Variants in SV2B observed in about 807,000 individuals in gnomAD.
SV2B encodes solute carrier family 22 member B2.
A neutral mutation model predicts 73.9 loss-of-function variants in SV2B; 41 were observed. The observed-to-expected ratio is 0.56, with a 90% confidence interval of 0.43 to 0.72. The LOEUF is 0.72. Ranked by LOEUF, SV2B falls within the 30% of genes least tolerant of loss-of-function variation. The pLI, the probability that SV2B is intolerant of heterozygous loss-of-function variation, is 0.00. For missense variants in SV2B, 764 were observed against 857.8 expected (o/e 0.89, Z 1.37); for synonymous variants, 314 against 314.2 (o/e 1.00, Z 0.01).
At position 91,253,453 on chromosome 15, in the gene SV2B, G is replaced by C. The variant is rs1326189723; in HGVS notation, c.784+933G>C. Among the ~76,000 whole-genome samples the C allele has an allele frequency of 6.6e-6, 1 of 152,202 alleles. No homozygotes were observed. The highest frequency in any genetic ancestry group is 1.5e-5 in the Non-Finnish European group (1 of 68,036). On this transcript the variant is annotated intron_variant, in intron 4 of 12. Coordinates refer to ENST00000394232, the MANE Select transcript of SV2B (RefSeq NM_001323032.3). The surrounding 1 kb of genome is among the most constrained non-coding windows in gnomAD (Gnocchi z 5.0). The stretch of plus-strand genomic sequence containing the variant: ...TGCATGTATATGTTTTTAAGAACAA[G>C]CTTTGGTTTAGACAGTACCTACTGT...
intron 1 of SV2B, among the ~76,000 whole-genome samples, chr15:91,155,104 C>A (rs777719992): frequency 1.3e-5 from 2 of 152,106 alleles, no homozygotes; most frequent in African/African-American, 2.4e-5. Flanking sequence ...CTGATTCTTC[C>A]CACTCATGGA....
rs143086359 is a variant in SV2B at position 91,130,083 on chromosome 15, C to T, written c.-392+29720C>T. On this transcript the variant is annotated intron_variant, in intron 1 of 12. Transcript: ENST00000394232. This position sits in a 1 kb window ranked among gnomAD's most constrained non-coding sequence, Gnocchi z 5.6. The stretch of plus-strand genomic sequence containing the variant: ...AGCTGTGGCCAGCATGCAGGTCAGG[C>T]GTGCCAAGGCCTGAACCTGAACAGT... Among the ~76,000 whole-genome samples, 43 of 152,176 alleles carry T rather than the reference C, an allele frequency of 2.8e-4. No individual in the cohort carries two copies. Among genetic ancestry groups the T allele is most frequent in the African/African-American group, 8.9e-4 (37 of 41,500 alleles).
At position 91,226,383 on chromosome 15, in the gene SV2B, T is replaced by C; in HGVS notation, c.120T>C (p.Asp40=). 6.2e-7 allele frequency: 1 copy of C among 1,614,078 alleles called. No individual in the cohort carries two copies. The highest frequency in any genetic ancestry group is 8.5e-7 in the Non-Finnish European group (1 of 1,179,990). The change falls in exon 2 of 13, where the codon GAT becomes GAC. Residue 40 remains aspartate (D), a synonymous_variant. Coordinates refer to ENST00000394232, the MANE Select transcript of SV2B (RefSeq NM_001323032.3). The part of the protein sequence containing the change: ...DAQSDVTEGH[D]EEDEIYEGEY... ...AGAGTGATGTCACCGAAGGCCATGA[T>C]GAGGAAGACGAGATCTATGAGGGCG...
At chr15:91,190,814 T>A (rs7165764) in intron 1 of SV2B, among the ~76,000 whole-genome samples, 7,846 of 152,154 alleles carry the variant, frequency 0.052, 687 homozygotes, top group African/African-American at 0.18. Context: ...TGTTTTTTAG[T>A]GAAGGAAATA....
In SV2B at chr15:91,232,007, T is replaced by C. The variant is rs781497309; in HGVS notation, c.451+5293T>C. ...ATTACTCTGCTGTCGTGAAAGATTA[T>C]CTTGTGATTGTTTTATATGCAAATT... On this transcript the variant is annotated intron_variant, in intron 2 of 12. Coordinates refer to ENST00000394232, the MANE Select transcript of SV2B (RefSeq NM_001323032.3). This position sits in a 1 kb window ranked among gnomAD's most constrained non-coding sequence, Gnocchi z 4.7. 8.5e-5 allele frequency among the ~76,000 whole-genome samples: 13 copies of C among 152,166 alleles called. No homozygotes were observed. The highest frequency in any genetic ancestry group is 1.5e-4 in the Non-Finnish European group (10 of 68,034).
chr15:91,160,483 C>T (rs1455323346), intron 1 of SV2B, among the ~76,000 whole-genome samples: 1 of 152,152 alleles, frequency 6.6e-6, no homozygotes, highest in Non-Finnish European at 1.5e-5. Flanking sequence ...TGGTGCATGC[C>T]TATAGTCCCA....
chr15:91,199,492 T>G lies in SV2B; in HGVS notation c.-391-26381T>G, dbSNP rs2045384711. On this transcript the variant is annotated intron_variant, in intron 1 of 12. Coordinates refer to ENST00000394232, the MANE Select transcript of SV2B (RefSeq NM_001323032.3). ...AGTGGGAGAGAATGGGTCGTGGGTT[T>G]CTGTTTGTTAAATGCCGCTTTGCTA... Among the ~76,000 whole-genome samples the G allele has an allele frequency of 2.0e-5, 3 of 152,172 alleles. No homozygotes were observed. In the South Asian group the frequency reaches 6.2e-4, roughly 32 times the overall value.
chr15:91,273,271 T>A (rs974698289), intron 9 of SV2B, among the ~76,000 whole-genome samples: 1 of 152,188 alleles, frequency 6.6e-6, no homozygotes, highest in Non-Finnish European at 1.5e-5. Flanking sequence ...GGTTCTAGCT[T>A]TGATTGTTTA....
At position 91,232,568 on chromosome 15, in the gene SV2B, C is replaced by T. The variant is rs942743951; in HGVS notation, c.451+5854C>T. On this transcript the variant is annotated intron_variant, in intron 2 of 12. Coordinates refer to ENST00000394232, the MANE Select transcript of SV2B (RefSeq NM_001323032.3). The surrounding 1 kb of genome is among the most constrained non-coding windows in gnomAD (Gnocchi z 4.7). Reference sequence around the variant, plus strand: ...AGTGATTTTGGTACTGAGAGTGCTTCTAGAGGAGCGGAATTTTGAGGATGA... The same window carrying T: ...AGTGATTTTGGTACTGAGAGTGCTTTTAGAGGAGCGGAATTTTGAGGATGA... Among the ~76,000 whole-genome samples, 5 of 152,054 alleles carry T rather than the reference C, an allele frequency of 3.3e-5. No homozygotes were observed. Among genetic ancestry groups the T allele is most frequent in the Non-Finnish European group, 5.9e-5 (4 of 68,000 alleles).
At chr15:91,211,777 C>T (rs995445979) in intron 1 of SV2B, among the ~76,000 whole-genome samples, 4 of 149,478 alleles carry the variant, frequency 2.7e-5, no homozygotes, top group East Asian at 3.9e-4. Flanking sequence ...GCTGGGATTA[C>T]AGGCATGAGC....
chr15:91,268,329 C>T lies in SV2B; in HGVS notation c.1209-112C>T. The T allele has an allele frequency of 9.1e-7, 1 of 1,097,700 alleles. No individual in the cohort carries two copies. Among genetic ancestry groups the T allele is most frequent in the Non-Finnish European group, 1.3e-6 (1 of 795,272 alleles). The allele number at this position is 1,097,700 out of a possible 1,614,324, so 68.0% of individuals were successfully genotyped here. On this transcript the variant is annotated intron_variant, in intron 8 of 12. Transcript: ENST00000394232. The surrounding 1 kb of genome is among the most constrained non-coding windows in gnomAD (Gnocchi z 4.4). ...ATTGTCAGATTTTCTAATAATGAAC[C>T]AAATTAATGTATTTTCAATGAGTTT...
chr15:91,256,262 C>T (rs1361954967), intron 4 of SV2B, among the ~76,000 whole-genome samples: 1 of 152,028 alleles, frequency 6.6e-6, no homozygotes, highest in Non-Finnish European at 1.5e-5. Flanking sequence ...AAGCAGTTTG[C>T]CATTTAATTT....
chr15:91,214,980 T>C lies in SV2B; in HGVS notation c.-391-10893T>C, dbSNP rs1184992268. 1.3e-5 allele frequency among the ~76,000 whole-genome samples: 2 copies of C among 152,204 alleles called. No individual in the cohort carries two copies. The highest frequency in any genetic ancestry group is 3.9e-4 in the East Asian group (2 of 5,194). On this transcript the variant is annotated intron_variant, in intron 1 of 12. Coordinates refer to ENST00000394232, the MANE Select transcript of SV2B (RefSeq NM_001323032.3). The surrounding 1 kb of genome is among the most constrained non-coding windows in gnomAD (Gnocchi z 4.7). The stretch of plus-strand genomic sequence containing the variant: ...TCGTACTGCAGGCTGGGACCATTGT[T>C]GCTGACCCCAGGGCTGCAGGGTAAA...
At position 91,129,687 on chromosome 15, in the gene SV2B, C is replaced by T. The variant is rs182336625; in HGVS notation, c.-392+29324C>T. Among the ~76,000 whole-genome samples, 45 of 152,236 alleles carry T rather than the reference C, an allele frequency of 3.0e-4. No homozygotes were observed. The East Asian group carries it at 7.5e-3, about 26-fold the overall frequency. ...GAGCCAGCGGAGGCTTCTTTGGAGG[C>T]GATCTGTTTGATGTGATACGGTCTG... On this transcript the variant is annotated intron_variant, in intron 1 of 12. Coordinates refer to ENST00000394232, the MANE Select transcript of SV2B (RefSeq NM_001323032.3). The surrounding 1 kb of genome is among the most constrained non-coding windows in gnomAD (Gnocchi z 5.1).
chr15:91,217,105 G>A (rs1424556711), intron 1 of SV2B, among the ~76,000 whole-genome samples: 1 of 150,758 alleles, frequency 6.6e-6, no homozygotes, highest in Non-Finnish European at 1.5e-5. Context: ...TTGAACTCCT[G>A]ACCTCAGATG....
Position 91,242,431 on chromosome 15 carries a change from G to A in SV2B, c.452-9388G>A, listed in dbSNP as rs1030805886. Among the ~76,000 whole-genome samples the A allele has an allele frequency of 2.6e-5, 4 of 152,122 alleles. No homozygotes were observed. Among genetic ancestry groups the A allele is most frequent in the Non-Finnish European group, 5.9e-5 (4 of 68,032 alleles). Reference sequence around the variant, plus strand: ...TACCAACCTGGCCCAAGTCATCAGCGTCATTCACTTGAAATACATGTGGTG... The same window carrying A: ...TACCAACCTGGCCCAAGTCATCAGCATCATTCACTTGAAATACATGTGGTG... On this transcript the variant is annotated intron_variant, in intron 2 of 12. Transcript: ENST00000394232. The surrounding 1 kb of genome is among the most constrained non-coding windows in gnomAD (Gnocchi z 4.9).
At chr15:91,162,089 C>T (rs1030196850) in intron 1 of SV2B, among the ~76,000 whole-genome samples, 1 of 152,120 alleles carries the variant, frequency 6.6e-6, no homozygotes, top group African/African-American at 2.4e-5. Context: ...CAGTTTCTAA[C>T]ATCTGATAAT....
In SV2B at chr15:91,226,348, G is replaced by T. The variant is rs200028214; in HGVS notation, c.85G>T (p.Glu29Ter). The change falls in exon 2 of 13, where the codon GAA (glutamate) becomes TAA (stop). Residue 29 changes from glutamate (E) to a stop codon, truncating the protein, a stop_gained. Coordinates refer to ENST00000394232, the MANE Select transcript of SV2B (RefSeq NM_001323032.3). LOFTEE classifies it high-confidence loss of function. ...CCGCGGCAATGAGTCCAACCCAGAAGAAGATGCACAGAGTGATGTCACCGA... is the reference window on the plus strand; with the variant it reads ...CCGCGGCAATGAGTCCAACCCAGAATAAGATGCACAGAGTGATGTCACCGA... ...YYRGNESNPE[E>*]DAQSDVTEGH... is the part of the protein sequence containing the mutation. The T allele has an allele frequency of 1.2e-6, 2 of 1,614,032 alleles. No individual in the cohort carries two copies. The highest frequency in any genetic ancestry group is 1.7e-6 in the Non-Finnish European group (2 of 1,180,036).
intron 1 of SV2B, among the ~76,000 whole-genome samples, chr15:91,166,748 A>T (rs1397182913): frequency 6.6e-6 from 1 of 151,708 alleles, no homozygotes; most frequent in Non-Finnish European, 1.5e-5. Context: ...TTGAATCCAT[A>T]CAGGGAGTTT....
Sources: allele counts gnomAD v4.1 joint callset (sites outside exome capture counted in the v4.1 genomes callset), GRCh38; gene constraint gnomAD v4.1.1; non-coding constraint Gnocchi (gnomAD v3.1); transcripts MANE v1.5; gene names NCBI Gene and HGNC (gene_info 2026-07-23, HGNC 2026-07-21).